The following PCSK5 variants were observed in gnomAD, a reference collection of about 807,000 sequenced individuals.
The protein encoded by PCSK5 is proprotein convertase subtilisin/kexin type 5.
PCSK5 carries 129 observed loss-of-function variants against 233.2 expected under a neutral mutation model. The ratio of observed to expected loss-of-function variants is 0.55; its 90% confidence interval spans 0.48 to 0.64. The LOEUF (loss-of-function observed/expected upper bound fraction) is 0.64. Ranked by LOEUF, PCSK5 falls within the 30% of genes least tolerant of loss-of-function variation. PCSK5 has a pLI of 0.00. For synonymous variants in PCSK5, 825 were observed against 879.2 expected (o/e 0.94, Z 1.09); for missense variants, 2,076 against 2,430.1 (o/e 0.85, Z 3.06).
intron 13 of PCSK5, among the ~76,000 whole-genome samples, chr9:76,170,544 A>G (rs558846010): frequency 6.6e-6 from 1 of 152,334 alleles, no homozygotes; most frequent in South Asian, 2.1e-4. Context: ...ACAGAGCCCT[A>G]CAGAGTGGCT....
intron 27 of PCSK5, 68 bp from the exon 28 acceptor site, chr9:76,302,069 T>G: frequency 1.4e-6 from 1 of 692,040 alleles, no homozygotes; most frequent in African/African-American, 1.9e-5. Flanking sequence ...GGTTTATAGG[T>G]GAAGTTTATC....
intron 5 of PCSK5, among the ~76,000 whole-genome samples, chr9:76,051,068 A>AG (rs1829612987): frequency 6.6e-6 from 1 of 152,174 alleles, no homozygotes; most frequent in Non-Finnish European, 1.5e-5. Flanking sequence ...CTCCATTTCT[A>AG]GGGGTCTAAC....
chr9:75,891,027 G>C lies in PCSK5; in HGVS notation c.-155G>C. On this transcript the variant is annotated 5_prime_UTR_variant, in exon 1 of 38. Coordinates refer to ENST00000674117, the MANE Select transcript of PCSK5 (RefSeq NM_001372043.1). ...CGTAAGGCTCGCTGCTCTGCTCCCT[G>C]CCGGGGCTAGCCGCCTCCTGCCGAT... 1 of 595,092 alleles carries C rather than the reference G, an allele frequency of 1.7e-6. No homozygotes were observed. The highest frequency in any genetic ancestry group is 2.6e-6 in the Non-Finnish European group (1 of 381,190). 36.9% of individuals were successfully genotyped at this position (595,092 alleles called of 1,614,324 possible). A position where few individuals can be genotyped will look rare whatever the true frequency, so the allele number is the denominator to read the frequency against.
intron 9 of PCSK5, among the ~76,000 whole-genome samples, chr9:76,127,219 G>A (rs1035961307): frequency 2.0e-5 from 3 of 152,170 alleles, no homozygotes; most frequent in Non-Finnish European, 4.4e-5. Context: ...TTTTTGAGGT[G>A]AGAACTCTGC....
At chr9:76,125,476 G>A (rs10122493) in intron 9 of PCSK5, among the ~76,000 whole-genome samples, 71,511 of 151,994 alleles carry the variant, frequency 0.47, 17,219 homozygotes, top group Admixed American at 0.52. Context: ...GAGGAAGATC[G>A]TTAAACTTTC....
chr9:76,002,361 A>G (rs1490122344), intron 3 of PCSK5, among the ~76,000 whole-genome samples: 2 of 152,226 alleles, frequency 1.3e-5, no homozygotes, highest in South Asian at 2.1e-4. Flanking sequence ...TATGTCATAT[A>G]TCAAAATTAT....
chr9:76,039,938 G>A (rs183522641), intron 5 of PCSK5, among the ~76,000 whole-genome samples: 79 of 152,310 alleles, frequency 5.2e-4, no homozygotes, highest in African/African-American at 1.5e-3. Flanking sequence ...TGGCATTAGC[G>A]CCTCCAAGCT....
At chr9:76,286,711 G>A (rs533497991) in intron 24 of PCSK5, 72 of 162,974 alleles carry the variant, frequency 4.4e-4, no homozygotes, top group South Asian at 6.6e-4. Context: ...AGCTGTAGGA[G>A]CACTTGGAGG....
At chr9:76,239,219 C>T in intron 23 of PCSK5, 54 bp downstream of exon 23, 1 of 1,413,422 alleles carries the variant, frequency 7.1e-7, no homozygotes, top group Non-Finnish European at 9.8e-7. Flanking sequence ...GGAGGGGCTG[C>T]ACCCTGGATG....
intron 24 of PCSK5, among the ~76,000 whole-genome samples, chr9:76,264,811 C>A (rs1049695319): frequency 1.3e-5 from 2 of 152,180 alleles, no homozygotes; most frequent in African/African-American, 4.8e-5. Flanking sequence ...CTGTGGAAGG[C>A]ACTTTGGAGA....
intron 16 of PCSK5, among the ~76,000 whole-genome samples, chr9:76,182,029 G>C (rs1823896888): frequency 6.6e-6 from 1 of 152,144 alleles, no homozygotes; most frequent in Non-Finnish European, 1.5e-5. Flanking sequence ...TGTCACTGGG[G>C]GCTGGTCAGA....
intron 1 of PCSK5, among the ~76,000 whole-genome samples, chr9:75,902,171 G>A (rs1054279105): frequency 4.6e-5 from 6 of 130,734 alleles, no homozygotes; most frequent in African/African-American, 1.2e-4. Flanking sequence ...AGCCAAGATC[G>A]CGCCACTGCA....
chr9:76,068,575 T>A (rs1210818594), intron 6 of PCSK5, among the ~76,000 whole-genome samples: 1 of 152,236 alleles, frequency 6.6e-6, no homozygotes, highest in Admixed American at 6.5e-5. Context: ...CATGAATGAT[T>A]CAGATTATAT....
intron 17 of PCSK5, 128 bp from the exon 18 acceptor site, chr9:76,188,450 T>A (rs752445948): frequency 1.6e-6 from 1 of 632,076 alleles, no homozygotes; most frequent in Non-Finnish European, 2.8e-6. Context: ...TTTCCCCGGC[T>A]TTGAAGCTTT....
chr9:76,234,950 G>C (rs908191036), intron 22 of PCSK5, among the ~76,000 whole-genome samples: 1 of 152,110 alleles, frequency 6.6e-6, no homozygotes. Context: ...AGTGAGGGCT[G>C]CCCTAACCTC....
At chr9:75,973,032 A>T (rs955276976) in intron 2 of PCSK5, among the ~76,000 whole-genome samples, 15 of 152,144 alleles carry the variant, frequency 9.9e-5, no homozygotes, top group South Asian at 8.3e-4. Context: ...CCTTACAATC[A>T]TGTGACTGGG....
intron 9 of PCSK5, among the ~76,000 whole-genome samples, chr9:76,126,504 T>C (rs1832859459): frequency 6.6e-6 from 1 of 152,010 alleles, no homozygotes; most frequent in Non-Finnish European, 1.5e-5. Context: ...TCCCAGCCAC[T>C]CAGGAGGCTG....
intron 24 of PCSK5, among the ~76,000 whole-genome samples, chr9:76,272,884 G>A (rs892260127): frequency 6.7e-6 from 1 of 149,304 alleles, no homozygotes; most frequent in African/African-American, 2.5e-5. Flanking sequence ...TTCCTCTCCT[G>A]CCTCTTCTTG....
At position 76,272,773 on chromosome 9, in the gene PCSK5, CAAAAAAAAAAA is replaced by C. The variant is rs71372058; in HGVS notation, c.3143-19441_3143-19431del. Reference sequence around the variant, plus strand: ...CTGGTGACAGAGTGAGACTCCATCTCAAAAAAAAAAAAAAAAAAAAAAAAAAAAATTCACAC... The same window carrying C: ...CTGGTGACAGAGTGAGACTCCATCTCAAAAAAAAAAAAAAAAAATTCACAC... On this transcript the variant is annotated intron_variant, in intron 24 of 37. Coordinates refer to ENST00000674117, the MANE Select transcript of PCSK5 (RefSeq NM_001372043.1). 5.6e-4 allele frequency among the ~76,000 whole-genome samples: 28 copies of C among 49,980 alleles called. No individual in the cohort carries two copies. In the East Asian group the frequency reaches 8.8e-3, roughly 16 times the overall value. The allele number at this position is 49,980 out of a possible 152,430, so 32.8% of individuals were successfully genotyped here. A position where few individuals can be genotyped will look rare whatever the true frequency, so the allele number is the denominator to read the frequency against.
Sources: gnomAD v4.1 joint callset for allele counts (sites outside exome capture counted in the v4.1 genomes callset) on GRCh38, gnomAD v4.1.1 for gene constraint, MANE v1.5 for transcripts, NCBI Gene and HGNC (gene_info 2026-07-23, HGNC 2026-07-21) for gene names.